The following DLG2 variants were observed in gnomAD, a reference collection of about 807,000 sequenced individuals.
DLG2 encodes the protein disks large homolog 2.
A neutral mutation model predicts 132.5 loss-of-function variants in DLG2; 45 were observed. The observed-to-expected ratio is 0.34, with a 90% CI of 0.27 to 0.44. The LOEUF (loss-of-function observed/expected upper bound fraction) is 0.44. DLG2 is among the 20% of genes least tolerant of loss of function. The pLI, the probability that DLG2 is intolerant of heterozygous loss-of-function variation, is 1.00. For missense variants in DLG2, 1,045 were observed against 1,196.9 expected (o/e 0.87, Z 1.87); for synonymous variants, 424 against 419.6 (o/e 1.01, Z -0.13).
intron 3 of DLG2, among the ~76,000 whole-genome samples, chr11:85,592,108 G>A (rs961382795): frequency 6.6e-6 from 1 of 152,106 alleles, no homozygotes; most frequent in Non-Finnish European, 1.5e-5. Context: ...TCCACTATAT[G>A]ATGTTTTGTA....
intron 6 of DLG2, among the ~76,000 whole-genome samples, chr11:84,917,432 C>T (rs2092537610): frequency 6.6e-6 from 1 of 152,130 alleles, no homozygotes; most frequent in Admixed American, 6.5e-5. Flanking sequence ...AGGTAGATTG[C>T]TAAAAAGGTT....
At chr11:83,534,538 T>C (rs1036157340) in intron 20 of DLG2, among the ~76,000 whole-genome samples, 3 of 152,210 alleles carry the variant, frequency 2.0e-5, no homozygotes, top group Non-Finnish European at 4.4e-5. Context: ...AGGGTTTCTA[T>C]AGTTACAGAA....
chr11:84,811,304 A>G (rs2153972060), intron 6 of DLG2, among the ~76,000 whole-genome samples: 1 of 152,214 alleles, frequency 6.6e-6, no homozygotes, highest in East Asian at 1.9e-4. Context: ...GACAGAGTGA[A>G]AAAGAGGGGA....
intron 11 of DLG2, among the ~76,000 whole-genome samples, chr11:83,989,510 G>A (rs2093580268): frequency 6.6e-6 from 1 of 152,158 alleles, no homozygotes; most frequent in African/African-American, 2.4e-5. Flanking sequence ...ATTATGTGAG[G>A]GAAGCATGAC....
rs569358167 is a variant in DLG2, at chr11:85,333,475, T to C, written c.41-48110A>G. 1.2e-4 allele frequency among the ~76,000 whole-genome samples: 19 copies of C among 152,294 alleles called. No homozygotes were observed. The South Asian group carries it at 1.5e-3, about 12-fold the overall frequency. On this transcript the variant is annotated intron_variant, in intron 3 of 27. Transcript: ENST00000376104. ...CTAGGACTTTCAGTATTACATTAAA[T>C]AGGAGTGGTGAGAGTGGTGATCCTT... is the stretch of plus-strand genomic sequence containing the variant.
rs555350686 is a variant in DLG2 at position 84,894,697 on chromosome 11, G to A, written c.357+216964C>T. Among the ~76,000 whole-genome samples the A allele has an allele frequency of 3.9e-5, 6 of 152,258 alleles. No individual in the cohort carries two copies. In the South Asian group the frequency reaches 6.2e-4, roughly 16 times the overall value. ...AGGAGGGAGGCATTGTTGGGAGTTA[G>A]GTTCAATGATACTCTATATCACATG... On this transcript the variant is annotated intron_variant, in intron 6 of 27. Coordinates refer to ENST00000376104, the MANE Select transcript of DLG2 (RefSeq NM_001142699.3).
chr11:83,961,104 G>A (rs1195426043), intron 14 of DLG2, among the ~76,000 whole-genome samples: 2 of 151,996 alleles, frequency 1.3e-5, no homozygotes, highest in African/African-American at 4.8e-5. Context: ...GATAACATTC[G>A]TTGAGTACTT....
intron 6 of DLG2, among the ~76,000 whole-genome samples, chr11:84,962,198 T>C (rs1022753501): frequency 7.2e-5 from 11 of 152,222 alleles, no homozygotes; most frequent in Admixed American, 2.6e-4. Context: ...ATTGTCTTGA[T>C]CTCATAGAAA....
At chr11:84,962,570 T>C (rs556011920) in intron 6 of DLG2, among the ~76,000 whole-genome samples, 2 of 152,346 alleles carry the variant, frequency 1.3e-5, no homozygotes, top group South Asian at 2.1e-4. Flanking sequence ...TGTGTTCATG[T>C]CCCTAGCACA....
At chr11:84,988,868 G>A (rs952139941) in intron 6 of DLG2, among the ~76,000 whole-genome samples, 1 of 151,564 alleles carries the variant, frequency 6.6e-6, no homozygotes, top group Non-Finnish European at 1.5e-5. Context: ...AACAACCTAT[G>A]GAAACAAAAA....
chr11:83,870,346 A>G (rs561718719), intron 16 of DLG2, among the ~76,000 whole-genome samples: 1 of 152,342 alleles, frequency 6.6e-6, no homozygotes, highest in East Asian at 1.9e-4. Context: ...TCCCATTTAT[A>G]AGTGAGAATA....
At chr11:85,520,383 T>A (rs920012387) in intron 3 of DLG2, among the ~76,000 whole-genome samples, 1 of 152,084 alleles carries the variant, frequency 6.6e-6, no homozygotes, top group African/African-American at 2.4e-5. Flanking sequence ...TGCTCATGGA[T>A]TGGAAGAATC....
At chr11:85,100,148 T>C (rs1012947206) in intron 6 of DLG2, among the ~76,000 whole-genome samples, 3 of 152,158 alleles carry the variant, frequency 2.0e-5, no homozygotes, top group Non-Finnish European at 2.9e-5. Flanking sequence ...ATTTCAGTTA[T>C]ATCTTACACT....
chr11:85,038,407 T>C (rs2061586710), intron 6 of DLG2, among the ~76,000 whole-genome samples: 2 of 152,086 alleles, frequency 1.3e-5, no homozygotes, highest in African/African-American at 4.8e-5. Flanking sequence ...ACTAAGTACC[T>C]GCACCCACAC....
chr11:84,129,771 T>A (rs985416776), intron 9 of DLG2, among the ~76,000 whole-genome samples: 1 of 151,778 alleles, frequency 6.6e-6, no homozygotes, highest in Admixed American at 6.6e-5. Flanking sequence ...GATTATGGGG[T>A]CTTAAATATG....
intron 6 of DLG2, among the ~76,000 whole-genome samples, chr11:84,577,136 G>A (rs551251167): frequency 1.2e-4 from 18 of 152,194 alleles, no homozygotes; most frequent in East Asian, 1.2e-3. Flanking sequence ...TTTGCCTCCC[G>A]CCATGATTCT....
At chr11:84,355,587 TA>T (rs1357633724) in intron 7 of DLG2, among the ~76,000 whole-genome samples, 2 of 152,232 alleles carry the variant, frequency 1.3e-5, no homozygotes, top group East Asian at 3.9e-4. Flanking sequence ...TTTGTTGTTA[TA>T]AGCTTCTTAG....
intron 6 of DLG2, among the ~76,000 whole-genome samples, chr11:84,839,698 C>A (rs1257764313): frequency 6.6e-6 from 1 of 151,224 alleles, no homozygotes; most frequent in East Asian, 2.0e-4. Context: ...CACACATCTA[C>A]ATCTGATCTT....
chr11:84,013,541 C>T (rs1244378608), intron 11 of DLG2, among the ~76,000 whole-genome samples: 1 of 152,040 alleles, frequency 6.6e-6, no homozygotes, highest in Non-Finnish European at 1.5e-5. Flanking sequence ...GATTTGACCT[C>T]TTTAATAGCC....
Sources: allele counts gnomAD v4.1 joint callset (sites outside exome capture counted in the v4.1 genomes callset), GRCh38; gene constraint gnomAD v4.1.1; transcripts MANE v1.5; gene names NCBI Gene and HGNC (gene_info 2026-07-23, HGNC 2026-07-21).